SPTB: variants seen among roughly 807,000 people sequenced by gnomAD.
SPTB encodes spectrin beta, erythrocytic, also known as spectrin beta chain, erythrocytic.
A neutral mutation model predicts 256.2 loss-of-function variants in SPTB; 45 were observed. That is an observed-to-expected ratio of 0.18 (90% confidence interval 0.14 to 0.23). SPTB has a LOEUF of 0.23. SPTB is among the 10% of genes least tolerant of loss of function. The pLI is 1.00. For missense variants in SPTB, 2,715 were observed against 3,040.4 expected (o/e 0.89, Z 2.52); for synonymous variants, 1,231 against 1,243.1 (o/e 0.99, Z 0.21).
At chr14:64,860,223 T>G (rs2083945029) in intron 1 of SPTB, among the ~76,000 whole-genome samples, 1 of 152,178 alleles carries the variant, frequency 6.6e-6, no homozygotes, top group Admixed American at 6.5e-5. Flanking sequence ...CCCAGAGAAC[T>G]TTCAGGAAAC....
At chr14:64,750,406 G>C (rs765258619) in intron 33 of SPTB, among the ~76,000 whole-genome samples, 7 of 151,816 alleles carry the variant, frequency 4.6e-5, no homozygotes, top group African/African-American at 1.2e-4. Flanking sequence ...CTAAAACTGG[G>C]TTATGGATAT....
In SPTB at chr14:64,786,963, T is replaced by C; in HGVS notation, c.3002A>G (p.Glu1001Gly). ...GGCCTGGATGGCGGCCACGTCACGC[T>C]CCAGCCCTGACAACTTCCTCTGGAT... ...IAIQRKLSGL[E>G]RDVAAIQARV... The change falls in exon 16 of 36, where the codon GAG becomes GGG. Residue 1001 changes from glutamate to glycine, a missense_variant. By Grantham distance (98) the Glu-to-Gly change is moderately conservative. Around this residue, in one of 4 missense-constraint regions of SPTB, gnomAD observed 2,239 missense variants for 2,384.4 expected, o/e 0.94. Transcript: ENST00000644917. This position sits in a 1 kb window ranked among gnomAD's most constrained non-coding sequence, Gnocchi z 5.6. 6.2e-7 allele frequency: 1 copy of C among 1,613,986 alleles called. No individual in the cohort carries two copies. The highest frequency in any genetic ancestry group is 8.5e-7 in the Non-Finnish European group (1 of 1,180,024).
rs1870447433 is a variant in SPTB at position 64,753,566 on chromosome 14, C to T, written c.6573G>A (p.Leu2191=). The change falls in exon 33 of 36, where the codon CTG becomes CTA. Residue 2191 remains leucine, a synonymous_variant. Coordinates refer to ENST00000644917, the MANE Select transcript of SPTB (RefSeq NM_001355436.2). ...MEGYLGRKHD[L]EGPNKKASNR... is the part of the protein sequence containing the mutation. ...TGGAAGCCTTCTTGTTGGGCCCCTC[C>T]AGGTCATGCTTGCGGCCCAGGTAGC... The T allele has an allele frequency of 5.6e-6, 9 of 1,613,562 alleles. No individual in the cohort carries two copies. Among genetic ancestry groups the T allele is most frequent in the Non-Finnish European group, 6.8e-6 (8 of 1,180,012 alleles).
At position 64,747,940 on chromosome 14, in the gene SPTB, C is replaced by T. The variant is rs1371252458; in HGVS notation, c.*1366G>A. 1 of 152,106 alleles carries T rather than the reference C, an allele frequency of 6.6e-6. No individual in the cohort carries two copies. The highest frequency in any genetic ancestry group is 1.5e-5 in the Non-Finnish European group (1 of 68,100). 9.4% of individuals were successfully genotyped at this position (152,106 alleles called of 1,614,324 possible). A position where few individuals can be genotyped will look rare whatever the true frequency, so the allele number is the denominator to read the frequency against. On this transcript the variant is annotated 3_prime_UTR_variant, in exon 36 of 36. Transcript: ENST00000644917. ...GCTTTCTCTTCCTCCAGAAGTATGA[C>T]CTGAGCAGCAAGGGGAAGGCCATTC...
At chr14:64,800,036 C>A in intron 8 of SPTB, 102 bp from the exon 9 acceptor site, 1 of 1,397,134 alleles carries the variant, frequency 7.2e-7, no homozygotes, top group East Asian at 2.3e-5. Context: ...GGGGCTCCCA[C>A]CTCCTAAGCC....
chr14:64,805,587 G>A (rs229580), intron 2 of SPTB, among the ~76,000 whole-genome samples: 66,417 of 151,882 alleles, frequency 0.44, 15,962 homozygotes, highest in African/African-American at 0.65. Flanking sequence ...CTGCATTTAC[G>A]TTTCCTTCTC....
At position 64,816,446 on chromosome 14, in the gene SPTB, C is replaced by T. The variant is rs986923155; in HGVS notation, c.148+6501G>A. On this transcript the variant is annotated intron_variant, in intron 2 of 35. Coordinates refer to ENST00000644917, the MANE Select transcript of SPTB (RefSeq NM_001355436.2). This position sits in a 1 kb window ranked among gnomAD's most constrained non-coding sequence, Gnocchi z 4.2. Reference sequence around the variant, plus strand: ...CCCCTGCCTGCCCTCCTATCACCACCACCAACCCTGCACTCTGACTCAAAC... The same window carrying T: ...CCCCTGCCTGCCCTCCTATCACCACTACCAACCCTGCACTCTGACTCAAAC... Among the ~76,000 whole-genome samples the T allele has an allele frequency of 2.0e-5, 3 of 152,192 alleles. No homozygotes were observed. Among genetic ancestry groups the T allele is most frequent in the African/African-American group, 4.8e-5 (2 of 41,444 alleles).
In SPTB at chr14:64,782,439, G is replaced by C. The variant is rs142640389; in HGVS notation, c.4117C>G (p.Gln1373Glu). 5.0e-6 allele frequency: 8 copies of C among 1,614,014 alleles called. No individual in the cohort carries two copies. In the Admixed American group the frequency reaches 1.3e-4, roughly 27 times the overall value. The stretch of plus-strand genomic sequence containing the variant: ...GAGCTCCTGGCAGCCGAGAGGTGCT[G>C]GGTCTTCTCCTTTGTGGTGGCCTGC... The part of the protein sequence containing the change: ...ELQATTKEKT[Q>E]HLSAARSSDL... Residue 1373 changes from glutamine to glutamate, a missense_variant, in exon 20 of 36, where the codon CAG becomes GAG. By Grantham distance (29) the Gln-to-Glu change is conservative (BLOSUM62 2). Transcript: ENST00000644917.
In SPTB at chr14:64,774,444, C is replaced by G; in HGVS notation, c.4926G>C (p.Gln1642His). 2 of 1,572,544 alleles carry G rather than the reference C, an allele frequency of 1.3e-6. No individual in the cohort carries two copies. The highest frequency in any genetic ancestry group is 1.7e-6 in the Non-Finnish European group (2 of 1,158,804). Reference protein sequence around the residue: ...AVEDYGRNIKQLASRAQGLLS... With the variant: ...AVEDYGRNIKHLASRAQGLLS... The stretch of plus-strand genomic sequence containing the variant: ...GCAGGCCCTGGGCCCGGCTGGCCAG[C>G]TGCTTGATGTTCCGGCCGTAGTCCT... Residue 1642 changes from glutamine to histidine, a missense_variant, in exon 24 of 36, where the codon CAG becomes CAC. Gln to His is a conservative substitution (Grantham distance 24). Coordinates refer to ENST00000644917, the MANE Select transcript of SPTB (RefSeq NM_001355436.2).
Position 64,760,226 on chromosome 14 carries a change from A to G in SPTB, c.6346-6433T>C, listed in dbSNP as rs2082072980. ...TTTTTAGGGTCCTGCCTTGCTAGGA[A>G]ACTGGCTTGGGTGGGGGAGGCAGGG... On this transcript the variant is annotated intron_variant, in intron 32 of 35. Coordinates refer to ENST00000644917, the MANE Select transcript of SPTB (RefSeq NM_001355436.2). This position sits in a 1 kb window ranked among gnomAD's most constrained non-coding sequence, Gnocchi z 4.3. Among the ~76,000 whole-genome samples the G allele has an allele frequency of 6.6e-6, 1 of 152,022 alleles. No individual in the cohort carries two copies. The highest frequency in any genetic ancestry group is 2.4e-5 in the African/African-American group (1 of 41,372).
intron 2 of SPTB, 46 bp from the exon 3 acceptor site, chr14:64,805,136 G>A (rs1196789395): frequency 1.2e-6 from 2 of 1,612,912 alleles, no homozygotes; most frequent in Non-Finnish European, 8.5e-7. Flanking sequence ...GGTTGGCAGG[G>A]TCAGTGTGAC....
Position 64,816,733 on chromosome 14 carries a change from C to A in SPTB, c.148+6214G>T, listed in dbSNP as rs2083197495. On this transcript the variant is annotated intron_variant, in intron 2 of 35. Coordinates refer to ENST00000644917, the MANE Select transcript of SPTB (RefSeq NM_001355436.2). This position sits in a 1 kb window ranked among gnomAD's most constrained non-coding sequence, Gnocchi z 4.2. The stretch of plus-strand genomic sequence containing the variant: ...GCTACTAGCCTCCTTGTCACTCTGT[C>A]TCAGTGACATGTTATAAAGGGAAAA... Among the ~76,000 whole-genome samples the A allele has an allele frequency of 6.6e-6, 1 of 152,162 alleles. No individual in the cohort carries two copies. Among genetic ancestry groups the A allele is most frequent in the Admixed American group, 6.5e-5 (1 of 15,278 alleles).
intron 1 of SPTB, among the ~76,000 whole-genome samples, chr14:64,868,738 G>A (rs538880993): frequency 2.6e-5 from 4 of 152,282 alleles, no homozygotes; most frequent in Non-Finnish European, 5.9e-5. Context: ...TGGAAACCTC[G>A]GGTATGGAAG....
At position 64,825,823 on chromosome 14, in the gene SPTB, C is replaced by T. The variant is rs544426327; in HGVS notation, c.-51-2678G>A. ...GCGTTCAAGACAAGATTGATGGCCC[C>T]GGGTGCAGAAGAGCAGCGGCTCGAC... On this transcript the variant is annotated intron_variant, in intron 1 of 35. Transcript: ENST00000644917. This position sits in a 1 kb window ranked among gnomAD's most constrained non-coding sequence, Gnocchi z 4.8. Among the ~76,000 whole-genome samples, 26 of 152,308 alleles carry T rather than the reference C, an allele frequency of 1.7e-4. No homozygotes were observed. In the South Asian group the frequency reaches 3.3e-3, roughly 19 times the overall value.
In SPTB at chr14:64,759,760, C is replaced by T. The variant is rs866980538; in HGVS notation, c.6346-5967G>A. 2.1e-4 allele frequency among the ~76,000 whole-genome samples: 32 copies of T among 152,182 alleles called. No individual in the cohort carries two copies. The highest frequency in any genetic ancestry group is 1.3e-3 in the Admixed American group (20 of 15,286). ...CAGGAAGATGCAGATTCCACCTGTA[C>T]CACTGAGGGCTGCCACCCACCGGAG... On this transcript the variant is annotated intron_variant, in intron 32 of 35. Transcript: ENST00000644917. The surrounding 1 kb of genome is among the most constrained non-coding windows in gnomAD (Gnocchi z 4.8).
At chr14:64,751,418 C>T (rs1300852657) in intron 33 of SPTB, among the ~76,000 whole-genome samples, 1 of 152,100 alleles carries the variant, frequency 6.6e-6, no homozygotes, top group Non-Finnish European at 1.5e-5. Flanking sequence ...CCACGCCCGG[C>T]CCCTATCCTC....
chr14:64,767,888 C>G, intron 29 of SPTB, 29 bp from the exon 30 acceptor site: 12 of 1,611,354 alleles, frequency 7.4e-6, no homozygotes, highest in Non-Finnish European at 9.3e-6. Context: ...CACAGACCCC[C>G]CACAAGGCCC....
chr14:64,750,109 G>A lies in SPTB; in HGVS notation c.6648C>T (p.Thr2216=), dbSNP rs2081921823. The A allele has an allele frequency of 1.9e-6, 3 of 1,614,164 alleles. No homozygotes were observed. The South Asian group carries it at 3.3e-5, about 18-fold the overall frequency. The change falls in exon 34 of 36, where the codon ACC becomes ACT. Residue 2216 remains threonine, a synonymous_variant. Coordinates refer to ENST00000644917, the MANE Select transcript of SPTB (RefSeq NM_001355436.2). ...LYCVLRNSEL[T]FYKDAKNLAL... ...CCAGGTTCTTGGCATCCTTGTAGAA[G>A]GTTAGCTCACTGTTCCTGAGCACAC...
chr14:64,803,139 AC>A, intron 4 of SPTB, among the ~76,000 whole-genome samples: 1 of 152,172 alleles, frequency 6.6e-6, no homozygotes, highest in East Asian at 1.9e-4. Context: ...CAGGTGCAAG[AC>A]CCTGTTTTCC....
Sources: gnomAD v4.1 joint callset for allele counts (sites outside exome capture counted in the v4.1 genomes callset) on GRCh38, gnomAD v4.1.1 for gene constraint, gnomAD v4.1.1 regional missense constraint, Gnocchi (gnomAD v3.1) non-coding constraint, MANE v1.5 for transcripts, NCBI Gene and HGNC (gene_info 2026-07-23, HGNC 2026-07-21) for gene names.